TSPEAR: variants seen among roughly 807,000 people sequenced by gnomAD.
TSPEAR encodes the protein thrombospondin type laminin G domain and EAR repeats.
A neutral mutation model predicts 71.6 loss-of-function variants in TSPEAR; 69 were observed. That is an observed-to-expected ratio of 0.96 (90% CI 0.79 to 1.18). The LOEUF (loss-of-function observed/expected upper bound fraction) is 1.18, where lower values mean the gene tolerates loss of function less well. Among genes scored for constraint, TSPEAR ranks in the 50% most tolerant of loss-of-function variants. The pLI is 0.00. For synonymous variants in TSPEAR, 402 were observed against 387.2 expected, an observed-to-expected ratio of 1.04 and a Z score of -0.45; for missense variants, 971 against 894.9, an observed-to-expected ratio of 1.09 and a Z score of -1.09.
chr21:44,521,947 G>T lies in TSPEAR; in HGVS notation c.1502C>A (p.Thr501Asn). The T allele has an allele frequency of 6.2e-7, 1 of 1,614,146 alleles. No homozygotes were observed. Among genetic ancestry groups the T allele is most frequent in the Non-Finnish European group, 8.5e-7 (1 of 1,180,022 alleles). Residue 501 changes from threonine to asparagine, a missense_variant, in exon 9 of 12, where the codon ACC becomes AAC. Thr to Asn is a moderately conservative substitution (Grantham distance 65). Transcript: ENST00000323084. ...VVANTFNGTS[T>N]KVHSHLYIRL... is the part of the protein sequence containing the mutation. Reference sequence around the variant, plus strand: ...GATGTAGAGGTGCGAGTGCACCTTGGTGGAGGTGCCGTTGAAGGTGTTGGC... The same window carrying T: ...GATGTAGAGGTGCGAGTGCACCTTGTTGGAGGTGCCGTTGAAGGTGTTGGC...
Position 44,578,118 on chromosome 21 carries a change from C to A in TSPEAR, c.83-10113G>T, listed in dbSNP as rs587695441. On this transcript the variant is annotated intron_variant, in intron 1 of 11. Transcript: ENST00000323084. ...CATGTGGAACTGTGAGTCCATTAAA[C>A]CTCTTTCTTTTGTAAATTGCCCAGT... Among the ~76,000 whole-genome samples, 16 of 152,328 alleles carry A rather than the reference C, an allele frequency of 1.1e-4. No individual in the cohort carries two copies. In the South Asian group the frequency reaches 3.3e-3, roughly 32 times the overall value.
intron 2 of TSPEAR, among the ~76,000 whole-genome samples, chr21:44,544,027 A>G (rs782024063): frequency 2.6e-5 from 4 of 152,340 alleles, no homozygotes; most frequent in Middle Eastern, 3.4e-3. Flanking sequence ...TTTAAACTCA[A>G]ACGTATCAGC....
At chr21:44,502,910 CGCTGGG>C (rs2052066164) in intron 11 of TSPEAR, among the ~76,000 whole-genome samples, 1 of 131,322 alleles carries the variant, frequency 7.6e-6, no homozygotes, top group Non-Finnish European at 1.6e-5. Flanking sequence ...GGAAGTAAGG[CGCTGGG>C]AGGAAGCTGG....
At chr21:44,558,346 A>T (rs1019539404) in intron 2 of TSPEAR, 3 of 1,613,496 alleles carry the variant, frequency 1.9e-6, no homozygotes, top group Admixed American at 1.7e-5. Context: ...GGCACACAGC[A>T]GATGGGCTTG....
At chr21:44,588,289 T>G (rs1176770600) in intron 1 of TSPEAR, among the ~76,000 whole-genome samples, 6 of 152,192 alleles carry the variant, frequency 3.9e-5, no homozygotes, top group Non-Finnish European at 5.9e-5. Context: ...TTAACATCAC[T>G]AATGATGAAG....
At chr21:44,511,995 C>T (rs587700823) in intron 9 of TSPEAR, among the ~76,000 whole-genome samples, 30 of 152,292 alleles carry the variant, frequency 2.0e-4, no homozygotes, top group African/African-American at 4.6e-4. Context: ...AGGGGCTGCC[C>T]GGGGCCTTGG....
In TSPEAR at chr21:44,549,436, C is replaced by T. The variant is rs587593972; in HGVS notation, c.304-15513G>A. Among the ~76,000 whole-genome samples the T allele has an allele frequency of 4.6e-5, 7 of 152,264 alleles. No individual in the cohort carries two copies. The South Asian group carries it at 1.5e-3, about 32-fold the overall frequency. ...CACCTGGCGTTGCAGACACCAAGTG[C>T]GGCGTGTCCACACTTTGGAACGCTG... On this transcript the variant is annotated intron_variant, in intron 2 of 11. Transcript: ENST00000323084.
At chr21:44,584,105 C>T (rs1341472616) in intron 1 of TSPEAR, among the ~76,000 whole-genome samples, 6 of 152,192 alleles carry the variant, frequency 3.9e-5, no homozygotes, top group Non-Finnish European at 8.8e-5. Flanking sequence ...CCTGCACCCC[C>T]GCCCCTGTGA....
At chr21:44,580,145 C>T in intron 1 of TSPEAR, 1 of 1,613,402 alleles carries the variant, frequency 6.2e-7, no homozygotes. Flanking sequence ...ATCCTCAGAA[C>T]AGGTGGGCAC....
At chr21:44,513,241 G>GAA (rs1283838661) in intron 9 of TSPEAR, among the ~76,000 whole-genome samples, 1 of 152,198 alleles carries the variant, frequency 6.6e-6, no homozygotes, top group Non-Finnish European at 1.5e-5. Context: ...CAGGCTGTCA[G>GAA]AAGCCCCTTG....
intron 9 of TSPEAR, among the ~76,000 whole-genome samples, chr21:44,516,964 G>A (rs964026533): frequency 1.3e-5 from 2 of 152,106 alleles, no homozygotes; most frequent in Non-Finnish European, 2.9e-5. Flanking sequence ...CCTCGCTCCT[G>A]CACCCTGGGG....
At chr21:44,539,384 G>A (rs781993874) in intron 2 of TSPEAR, 1 of 1,612,756 alleles carries the variant, frequency 6.2e-7, no homozygotes, top group Non-Finnish European at 8.5e-7. Flanking sequence ...CTGGCAGGAG[G>A]AGGCAGGGGC....
Position 44,528,456 on chromosome 21 carries a change from T to A in TSPEAR, c.918A>T (p.Leu306Phe). The A allele has an allele frequency of 1.2e-6, 2 of 1,613,894 alleles. No homozygotes were observed. Among genetic ancestry groups the A allele is most frequent in the Non-Finnish European group, 1.7e-6 (2 of 1,179,984 alleles). ...CCGGGTGCAGGGCTGCCTCACCTGC[T>A]AACACGGAGACCCACTCGTTGCCAA... ...LCVGNEWVSV[L>F]AAKERLDYVE... Residue 306 changes from leucine (L) to phenylalanine (F), a missense_variant, in exon 6 of 12, where the codon TTA becomes TTT. By Grantham distance (22) the Leu-to-Phe change is conservative. Coordinates refer to ENST00000323084, the MANE Select transcript of TSPEAR (RefSeq NM_144991.3).
At chr21:44,578,637 T>C (rs1978629212) in intron 1 of TSPEAR, among the ~76,000 whole-genome samples, 1 of 152,170 alleles carries the variant, frequency 6.6e-6, no homozygotes, top group Non-Finnish European at 1.5e-5. Context: ...GGGGGACTCA[T>C]GGAGGAACAC....
chr21:44,704,370 C>A (rs184525832), intron 1 of TSPEAR, among the ~76,000 whole-genome samples: 28 of 152,314 alleles, frequency 1.8e-4, no homozygotes, highest in African/African-American at 5.5e-4. Context: ...GACTTTACCC[C>A]CTCTGTGACA....
intron 4 of TSPEAR, 76 bp downstream of exon 4, chr21:44,530,967 G>C: frequency 2.6e-6 from 3 of 1,154,922 alleles, no homozygotes; most frequent in Non-Finnish European, 3.9e-6. Flanking sequence ...CTGTCAACTA[G>C]AGCAGTAGGA....
In TSPEAR at chr21:44,550,314, G is replaced by T. The variant is rs1334514731; in HGVS notation, c.304-16391C>A. The T allele has an allele frequency of 3.6e-5, 11 of 306,774 alleles. No homozygotes were observed. In the East Asian group the frequency reaches 8.1e-4, roughly 23 times the overall value. 19.0% of individuals were successfully genotyped at this position (306,774 alleles called of 1,614,324 possible). On this transcript the variant is annotated intron_variant, in intron 2 of 11. Transcript: ENST00000323084. ...CCAGAGCCAGGCCAGGCCCCACTCT[G>T]CCCCCTCCCGCCCTGGGTGCGGAGA...
intron 1 of TSPEAR, among the ~76,000 whole-genome samples, chr21:44,652,194 A>G (rs1024864605): frequency 1.3e-4 from 20 of 152,156 alleles, no homozygotes; most frequent in Non-Finnish European, 1.5e-5. Flanking sequence ...TGTGTTAGCC[A>G]GGATGGTCTC....
intron 1 of TSPEAR, among the ~76,000 whole-genome samples, chr21:44,699,916 C>G (rs1185223032): frequency 1.3e-5 from 2 of 152,194 alleles, no homozygotes; most frequent in Non-Finnish European, 2.9e-5. Context: ...CCCCGTCCCC[C>G]GCCCTGCCCT....
Sources: allele counts gnomAD v4.1 joint callset (sites outside exome capture counted in the v4.1 genomes callset), GRCh38; gene constraint gnomAD v4.1.1; transcripts MANE v1.5; gene names NCBI Gene and HGNC (gene_info 2026-07-23, HGNC 2026-07-21).